OLA1: variants seen among roughly 807,000 people sequenced by gnomAD.
OLA1 encodes the protein Obg like ATPase 1.
In OLA1, 14 loss-of-function variants were observed where a neutral mutation model predicts 48.4. The observed-to-expected ratio is 0.29, with a 90% confidence interval of 0.19 to 0.45. The LOEUF is 0.45. OLA1 is among the 20% of genes least tolerant of loss of function. The probability of loss-of-function intolerance (pLI) is 1.00; values close to 1 mark genes in which losing one functional copy is unlikely to be tolerated. For synonymous variants in OLA1, 127 were observed against 150.4 expected (o/e 0.84, Z 1.14); for missense variants, 325 against 467.1 (o/e 0.70, Z 2.80).
chr2:174,139,762 G>A (rs2105378849), intron 5 of OLA1, among the ~76,000 whole-genome samples: 1 of 151,742 alleles, frequency 6.6e-6, no homozygotes, highest in Admixed American at 6.6e-5. Context: ...CCACTCAGGA[G>A]GCTGAGGCAG....
rs116454469 is a variant in OLA1 at position 174,206,388 on chromosome 2, C to A, written c.373+16645G>T. 3.5e-3 allele frequency among the ~76,000 whole-genome samples: 526 copies of A among 150,848 alleles called. 4 individuals are homozygous for A. The highest frequency in any genetic ancestry group is 0.016 in the East Asian group (84 of 5,138). On this transcript the variant is annotated intron_variant, in intron 4 of 10. Transcript: ENST00000284719. ...TCTCTTAAAAAAACAAACAAACAAA[C>A]AAAAAAAAACTGATCATTAAAGATC...
In OLA1 at chr2:174,166,471, C is replaced by A. The variant is rs540404898; in HGVS notation, c.374-24471G>T. 1.3e-3 allele frequency among the ~76,000 whole-genome samples: 196 copies of A among 152,266 alleles called. 2 individuals carry two copies. The highest frequency in any genetic ancestry group is 3.9e-3 in the African/African-American group (164 of 41,568). On this transcript the variant is annotated intron_variant, in intron 4 of 10. Coordinates refer to ENST00000284719, the MANE Select transcript of OLA1 (RefSeq NM_013341.5). ...GGTTCACATACTTGGGAAACATGAT[C>A]TGAACATGAACTCTCAACAGCAATA...
chr2:174,185,070 A>G (rs543629609), intron 4 of OLA1, among the ~76,000 whole-genome samples: 181 of 152,290 alleles, frequency 1.2e-3, no homozygotes, highest in African/African-American at 4.2e-3. Context: ...GGTGGAGCAG[A>G]TCCCCGTTCC....
intron 4 of OLA1, among the ~76,000 whole-genome samples, chr2:174,203,920 G>C (rs1559003481): frequency 6.6e-6 from 1 of 150,692 alleles, no homozygotes; most frequent in Non-Finnish European, 1.5e-5. Flanking sequence ...TCAGCCTCCC[G>C]AGTAACTGGG....
At chr2:174,219,462 C>G (rs1289356331) in intron 4 of OLA1, among the ~76,000 whole-genome samples, 3 of 126,064 alleles carry the variant, frequency 2.4e-5, no homozygotes, top group Non-Finnish European at 4.8e-5. Flanking sequence ...ATGGGTCTCA[C>G]TCTGCCACCC....
intron 6 of OLA1, 22 bp from the exon 7 acceptor site, chr2:174,123,299 G>C: frequency 8.5e-7 from 1 of 1,173,200 alleles, no homozygotes; most frequent in Non-Finnish European, 1.2e-6. Flanking sequence ...GATGGAGAAA[G>C]AATCCCTTTT....
chr2:174,192,292 C>T (rs1339152462), intron 4 of OLA1, among the ~76,000 whole-genome samples: 1 of 152,146 alleles, frequency 6.6e-6, no homozygotes, highest in Non-Finnish European at 1.5e-5. Context: ...GTGCATTATA[C>T]TTATCAGTTA....
intron 4 of OLA1, among the ~76,000 whole-genome samples, chr2:174,149,133 A>G (rs1205113264): frequency 6.6e-6 from 1 of 152,166 alleles, no homozygotes; most frequent in African/African-American, 2.4e-5. Flanking sequence ...CTATAGTCTG[A>G]CATATGCCAG....
At chr2:174,096,928 C>T (rs989203932) in intron 7 of OLA1, among the ~76,000 whole-genome samples, 9 of 152,110 alleles carry the variant, frequency 5.9e-5, no homozygotes, top group Non-Finnish European at 8.8e-5. Context: ...GAAGCCAAGG[C>T]GGGCAGATCA....
chr2:174,180,648 A>G (rs562390901), intron 4 of OLA1, among the ~76,000 whole-genome samples: 1 of 152,330 alleles, frequency 6.6e-6, no homozygotes, highest in South Asian at 2.1e-4. Context: ...TGTGGACACA[A>G]AACTTGAGGA....
chr2:174,094,707 A>C (rs1035550118), intron 7 of OLA1, among the ~76,000 whole-genome samples: 5 of 152,224 alleles, frequency 3.3e-5, no homozygotes, highest in African/African-American at 1.2e-4. Context: ...AAATTTACCA[A>C]GTATACAGTT....
intron 4 of OLA1, among the ~76,000 whole-genome samples, chr2:174,175,125 C>A (rs529577286): frequency 1.8e-4 from 27 of 151,442 alleles, no homozygotes; most frequent in Non-Finnish European, 3.4e-4. Flanking sequence ...ATGACAGGCC[C>A]GAATGTAAGA....
intron 4 of OLA1, among the ~76,000 whole-genome samples, chr2:174,156,729 C>T (rs950435641): frequency 2.0e-5 from 3 of 151,836 alleles, no homozygotes; most frequent in East Asian, 1.9e-4. Flanking sequence ...GGATTACAGG[C>T]GCCCACCACC....
At chr2:174,076,269 A>C (rs1684734730) in intron 10 of OLA1, among the ~76,000 whole-genome samples, 1 of 152,220 alleles carries the variant, frequency 6.6e-6, no homozygotes, top group African/African-American at 2.4e-5. Flanking sequence ...CAGCAGTTCC[A>C]GAAAACCAGG....
rs114599364 is a variant in OLA1 at position 174,165,384 on chromosome 2, C to T, written c.374-23384G>A. 7.8e-3 allele frequency among the ~76,000 whole-genome samples: 1,194 copies of T among 152,268 alleles called. 17 individuals carry two copies. Among genetic ancestry groups the T allele is most frequent in the African/African-American group, 0.027 (1,122 of 41,554 alleles). ...AGGGTATGTTCAGGCCAACAACAGT[C>T]CTGTCTTCAGAAATTGTGAGTTCTG... On this transcript the variant is annotated intron_variant, in intron 4 of 10. Coordinates refer to ENST00000284719, the MANE Select transcript of OLA1 (RefSeq NM_013341.5).
chr2:174,215,694 C>A (rs1337801785), intron 4 of OLA1, among the ~76,000 whole-genome samples: 1 of 152,132 alleles, frequency 6.6e-6, no homozygotes, highest in Non-Finnish European at 1.5e-5. Context: ...GACACACTTA[C>A]AGACCATACA....
At chr2:174,230,797 A>C (rs1688711982) in intron 2 of OLA1, among the ~76,000 whole-genome samples, 1 of 152,220 alleles carries the variant, frequency 6.6e-6, no homozygotes, top group Non-Finnish European at 1.5e-5. Flanking sequence ...AGAAGCTAAC[A>C]GCAGTCCAAC....
At chr2:174,244,574 T>C (rs1166032617) in intron 2 of OLA1, among the ~76,000 whole-genome samples, 1 of 152,076 alleles carries the variant, frequency 6.6e-6, no homozygotes, top group Non-Finnish European at 1.5e-5. Context: ...AGGTAAATAG[T>C]TGTTTACTAT....
chr2:174,197,731 A>C (rs542461949), intron 4 of OLA1, among the ~76,000 whole-genome samples: 1 of 152,288 alleles, frequency 6.6e-6, no homozygotes, highest in South Asian at 2.1e-4. Flanking sequence ...ATGAAGAAAA[A>C]ATAAATAGGC....
Sources: gnomAD v4.1 joint callset for allele counts (sites outside exome capture counted in the v4.1 genomes callset) on GRCh38, gnomAD v4.1.1 for gene constraint, MANE v1.5 for transcripts, NCBI Gene and HGNC (gene_info 2026-07-23, HGNC 2026-07-21) for gene names.